Variants in CHODL observed in about 807,000 individuals in gnomAD.
The protein encoded by CHODL is transmembrane protein MT75.
In CHODL, 29 loss-of-function variants were observed where a neutral mutation model predicts 34.5. That is an observed-to-expected ratio of 0.84 (90% CI 0.63 to 1.15). The LOEUF is 1.15. Among genes scored for constraint, CHODL ranks in the 50% most tolerant of loss-of-function variants. The pLI, the probability that CHODL is intolerant of heterozygous loss-of-function variation, is 0.00. For missense variants in CHODL, 332 were observed against 332.5 expected (o/e 1.00, Z 0.01); for synonymous variants, 125 against 116.1 (o/e 1.08, Z -0.49).
intron 2 of CHODL, among the ~76,000 whole-genome samples, chr21:18,154,487 G>A (rs1255516499): frequency 6.6e-6 from 1 of 152,066 alleles, no homozygotes; most frequent in Non-Finnish European, 1.5e-5. Flanking sequence ...TAATAAAATG[G>A]TGTGCCTTTT....
intron 2 of CHODL, among the ~76,000 whole-genome samples, chr21:18,079,472 T>C (rs1159357580): frequency 2.0e-5 from 3 of 148,648 alleles, no homozygotes; most frequent in Non-Finnish European, 4.5e-5. Context: ...ATATATCACA[T>C]ATATATACCA....
At chr21:18,116,494 G>A (rs1391458541) in intron 2 of CHODL, among the ~76,000 whole-genome samples, 4 of 152,076 alleles carry the variant, frequency 2.6e-5, no homozygotes, top group Admixed American at 6.6e-5. Context: ...TCAAATCAAC[G>A]CCATCTCATT....
intron 2 of CHODL, among the ~76,000 whole-genome samples, chr21:18,187,706 T>C (rs2073460515): frequency 6.6e-6 from 1 of 152,208 alleles, no homozygotes; most frequent in Non-Finnish European, 1.5e-5. Context: ...AAATTATCTC[T>C]GTTCTATTGC....
chr21:18,193,744 T>TAAATAAAA (rs1555881319), intron 2 of CHODL, among the ~76,000 whole-genome samples: 3 of 149,086 alleles, frequency 2.0e-5, no homozygotes, highest in African/African-American at 7.4e-5. Flanking sequence ...AATAAATAAA[T>TAAATAAAA]AAAAAATAAA....
At chr21:18,122,928 A>T (rs1398273208) in intron 2 of CHODL, among the ~76,000 whole-genome samples, 1 of 152,164 alleles carries the variant, frequency 6.6e-6, no homozygotes, top group Non-Finnish European at 1.5e-5. Flanking sequence ...TCATCAGTTT[A>T]TGTTTGTGTA....
chr21:17,965,879 A>G (rs1023128839), intron 1 of CHODL, among the ~76,000 whole-genome samples: 4 of 151,292 alleles, frequency 2.6e-5, no homozygotes, highest in African/African-American at 9.7e-5. Flanking sequence ...CTATTGAATG[A>G]CAGCGTTATA....
At chr21:18,042,556 G>C (rs1229088393) in intron 2 of CHODL, among the ~76,000 whole-genome samples, 1 of 151,998 alleles carries the variant, frequency 6.6e-6, no homozygotes, top group Non-Finnish European at 1.5e-5. Context: ...GTGTGAAGCA[G>C]ATCTGGGAAC....
At chr21:18,201,065 A>G (rs997031917) in intron 2 of CHODL, among the ~76,000 whole-genome samples, 5 of 152,216 alleles carry the variant, frequency 3.3e-5, no homozygotes, top group Admixed American at 3.3e-4. Flanking sequence ...AGTTTGTGGC[A>G]ATATGTTATG....
At chr21:17,918,644 A>C (rs1032753159) in intron 1 of CHODL, among the ~76,000 whole-genome samples, 1 of 152,306 alleles carries the variant, frequency 6.6e-6, no homozygotes, top group East Asian at 1.9e-4. Context: ...CAGACAAAGC[A>C]TATCATTCTA....
chr21:18,169,072 T>C (rs893326152), intron 2 of CHODL, among the ~76,000 whole-genome samples: 71 of 152,252 alleles, frequency 4.7e-4, no homozygotes, highest in African/African-American at 1.6e-3. Context: ...TCATCTTTTT[T>C]TGCAAGAGTT....
In CHODL at chr21:18,013,724, G is replaced by A. The variant is rs768199804; in HGVS notation, c.-144-14148G>A. On this transcript the variant is annotated intron_variant, in intron 1 of 6. Coordinates refer to the CHODL transcript ENST00000400127. The stretch of plus-strand genomic sequence containing the variant: ...ATCTCGGTTCACTGCAACCTCTGCC[G>A]CCTGGGTTCAAGCAATTCTCCTCTC... 2.6e-4 allele frequency among the ~76,000 whole-genome samples: 35 copies of A among 137,176 alleles called. No individual in the cohort carries two copies. In the East Asian group the frequency reaches 3.2e-3, roughly 13 times the overall value. 90.0% of individuals were successfully genotyped at this position (137,176 alleles called of 152,430 possible).
intron 2 of CHODL, among the ~76,000 whole-genome samples, chr21:18,121,550 T>C (rs571451015): frequency 6.6e-6 from 1 of 152,322 alleles, no homozygotes; most frequent in South Asian, 2.1e-4. Flanking sequence ...TCACTCATCT[T>C]CATTTCAGTA....
rs373698982 is a variant in CHODL at position 18,206,451 on chromosome 21, C to T, written c.-44-50058C>T. 2.5e-4 allele frequency among the ~76,000 whole-genome samples: 38 copies of T among 152,126 alleles called. No homozygotes were observed. The East Asian group carries it at 3.1e-3, about 12-fold the overall frequency. ...TCTATTTTGTCTGATTTAAGTATAT[C>T]TACTTCTGCTCTTTTTTGGTTTCCA... On this transcript the variant is annotated intron_variant, in intron 2 of 6. Coordinates refer to the CHODL transcript ENST00000400127.
intron 2 of CHODL, among the ~76,000 whole-genome samples, chr21:18,072,847 T>C (rs1043935357): frequency 6.6e-6 from 1 of 152,170 alleles, no homozygotes; most frequent in Non-Finnish European, 1.5e-5. Flanking sequence ...AAAAGTTTTC[T>C]TTTTTCTATA....
At chr21:17,986,690 T>C (rs1046993054) in intron 1 of CHODL, among the ~76,000 whole-genome samples, 1 of 152,228 alleles carries the variant, frequency 6.6e-6, no homozygotes, top group Admixed American at 6.5e-5. Context: ...AGTAATGGGA[T>C]TGCTGATCAA....
intron 2 of CHODL, among the ~76,000 whole-genome samples, chr21:18,103,275 C>T (rs184265101): frequency 6.6e-6 from 1 of 152,038 alleles, no homozygotes; most frequent in Non-Finnish European, 1.5e-5. Context: ...GACCCTTTGT[C>T]ATTTAAAAAA....
intron 2 of CHODL, among the ~76,000 whole-genome samples, chr21:18,195,322 G>A (rs548407071): frequency 1.5e-4 from 23 of 152,248 alleles, no homozygotes. Context: ...CCAAAGTGCT[G>A]GGATTACAGG....
chr21:17,918,133 G>A (rs2063155670), intron 1 of CHODL, among the ~76,000 whole-genome samples: 1 of 152,092 alleles, frequency 6.6e-6, no homozygotes, highest in Non-Finnish European at 1.5e-5. Context: ...TGATACTGGT[G>A]GGGTATGGCA....
chr21:18,133,949 T>C (rs1311300425), intron 2 of CHODL, among the ~76,000 whole-genome samples: 1 of 152,224 alleles, frequency 6.6e-6, no homozygotes, highest in Admixed American at 6.5e-5. Context: ...TCTTAGTTCC[T>C]GAATATATCT....
Sources: allele counts gnomAD v4.1 joint callset (sites outside exome capture counted in the v4.1 genomes callset), GRCh38; gene constraint gnomAD v4.1.1; transcripts MANE v1.5; gene names NCBI Gene and HGNC (gene_info 2026-07-23, HGNC 2026-07-21).